Variants in TRPM6 observed in about 807,000 individuals in gnomAD.
TRPM6 encodes the protein transient receptor potential cation channel subfamily M member 6.
In TRPM6, 111 loss-of-function variants were observed where a neutral mutation model predicts 247.6. The ratio of observed to expected loss-of-function variants is 0.45; its 90% confidence interval spans 0.38 to 0.52. TRPM6 has a LOEUF of 0.52. TRPM6 is among the 20% of genes least tolerant of loss of function. The pLI is 0.00. For synonymous variants in TRPM6, 892 were observed against 853.8 expected (o/e 1.04, Z -0.78); for missense variants, 2,126 against 2,421.5 (o/e 0.88, Z 2.56).
chr9:74,881,289 T>C (rs1466052512), intron 1 of TRPM6, among the ~76,000 whole-genome samples: 3 of 151,946 alleles, frequency 2.0e-5, no homozygotes, highest in African/African-American at 7.3e-5. Context: ...ACTATACTTA[T>C]ATCAGATGAA....
chr9:74,767,811 A>C (rs1826877990), intron 25 of TRPM6, among the ~76,000 whole-genome samples: 2 of 152,136 alleles, frequency 1.3e-5, no homozygotes, highest in African/African-American at 4.8e-5. Flanking sequence ...CTCTATAAAA[A>C]TGAAAAAATT....
chr9:74,827,046 C>T (rs1829361475), intron 7 of TRPM6: 1 of 152,230 alleles, frequency 6.6e-6, no homozygotes, highest in South Asian at 2.1e-4. Context: ...CCCCAAGGTC[C>T]CTATTTCTAA....
In TRPM6 at chr9:74,801,895, T is replaced by C. The variant is rs766322291; in HGVS notation, c.2009+3A>G. ...TAGTATGAAGTGAAGAGAGAACACTTACTTTGAGTAATTCTTCAACTCTTC... is the reference window on the plus strand; with the variant it reads ...TAGTATGAAGTGAAGAGAGAACACTCACTTTGAGTAATTCTTCAACTCTTC... On this transcript the variant is annotated splice_donor_region_variant and intron_variant, in intron 16 of 38. Coordinates refer to ENST00000360774, the MANE Select transcript of TRPM6 (RefSeq NM_017662.5). The C allele has an allele frequency of 6.8e-6, 11 of 1,614,014 alleles. No homozygotes were observed. The highest frequency in any genetic ancestry group is 8.5e-6 in the Non-Finnish European group (10 of 1,180,022).
intron 1 of TRPM6, among the ~76,000 whole-genome samples, chr9:74,870,531 A>T (rs1830988621): frequency 6.6e-6 from 1 of 152,202 alleles, no homozygotes; most frequent in Non-Finnish European, 1.5e-5. Flanking sequence ...CAAACTAGAG[A>T]AATCTTGTTC....
chr9:74,877,112 G>T (rs1047509209), intron 1 of TRPM6, among the ~76,000 whole-genome samples: 1 of 152,160 alleles, frequency 6.6e-6, no homozygotes, highest in Non-Finnish European at 1.5e-5. Context: ...ATCATGGATT[G>T]CTGGTGATTA....
chr9:74,887,086 A>G (rs1217408071), intron 1 of TRPM6: 1 of 452,348 alleles, frequency 2.2e-6, no homozygotes, highest in Non-Finnish European at 3.7e-6. Context: ...AACAGCCAGG[A>G]GCACCCTCCC....
At chr9:74,820,949 G>A (rs1273217187) in intron 8 of TRPM6, among the ~76,000 whole-genome samples, 1 of 152,156 alleles carries the variant, frequency 6.6e-6, no homozygotes, top group African/African-American at 2.4e-5. Context: ...AGGGAGAGGA[G>A]TGAAAGCAGA....
chr9:74,728,107 G>C, intron 38 of TRPM6, 132 bp downstream of exon 38: 1 of 789,380 alleles, frequency 1.3e-6, no homozygotes, highest in Non-Finnish European at 2.2e-6. Context: ...TTTGCAGTCA[G>C]AGAGTCAGGC....
At chr9:74,800,852 T>C (rs1828301454) in intron 16 of TRPM6, among the ~76,000 whole-genome samples, 1 of 151,616 alleles carries the variant, frequency 6.6e-6, no homozygotes, top group Admixed American at 6.6e-5. Context: ...ATACATAGGC[T>C]TATACATAGC....
intron 28 of TRPM6, among the ~76,000 whole-genome samples, 171 bp downstream of exon 28, chr9:74,755,182 T>G (rs1192081764): frequency 6.6e-6 from 1 of 152,190 alleles, no homozygotes; most frequent in African/African-American, 2.4e-5. Context: ...TTTTGTCCCT[T>G]TCATAAAAAT....
intron 14 of TRPM6, chr9:74,804,590 T>A: frequency 1.3e-6 from 1 of 748,144 alleles, no homozygotes. Context: ...CTGCTTCAGC[T>A]CCTGAGTTCA....
intron 5 of TRPM6, among the ~76,000 whole-genome samples, chr9:74,837,148 A>G (rs1208757460): frequency 6.6e-6 from 1 of 152,204 alleles, no homozygotes; most frequent in Non-Finnish European, 1.5e-5. Context: ...GTGGCATTCA[A>G]TTTAAGTAAA....
intron 3 of TRPM6, among the ~76,000 whole-genome samples, chr9:74,853,289 G>A (rs913500416): frequency 2.6e-5 from 4 of 151,020 alleles, no homozygotes; most frequent in Non-Finnish European, 4.4e-5. Flanking sequence ...GAGCGTCTCC[G>A]CCCGGCAGCC....
At chr9:74,743,128 T>C (rs1041225625) in intron 32 of TRPM6, among the ~76,000 whole-genome samples, 2 of 152,178 alleles carry the variant, frequency 1.3e-5, no homozygotes, top group Admixed American at 1.3e-4. Context: ...TCAGAGTCAA[T>C]ATGAGTTACA....
At chr9:74,846,446 T>A (rs969509091) in intron 3 of TRPM6, among the ~76,000 whole-genome samples, 2 of 152,236 alleles carry the variant, frequency 1.3e-5, no homozygotes, top group African/African-American at 4.8e-5. Context: ...TATTGTTTTC[T>A]GGTATGAACT....
intron 20 of TRPM6, 75 bp from the exon 21 acceptor site, chr9:74,786,200 C>T: frequency 1.3e-6 from 2 of 1,530,406 alleles, no homozygotes; most frequent in Non-Finnish European, 1.8e-6. Context: ...TTCTTAAATA[C>T]ACAAACCATT....
At position 74,791,194 on chromosome 9, in the gene TRPM6, T is replaced by C. The variant is rs536905229; in HGVS notation, c.2538+1430A>G. Among the ~76,000 whole-genome samples, 17 of 152,344 alleles carry C rather than the reference T, an allele frequency of 1.1e-4. No homozygotes were observed. The East Asian group carries it at 3.1e-3, about 28-fold the overall frequency. On this transcript the variant is annotated intron_variant, in intron 19 of 38. Transcript: ENST00000360774. ...CTGTCAGAGTCTTTCGTATATGTTGTTGCGCATTACAAAAATAGCAAAACC... is the reference window on the plus strand; with the variant it reads ...CTGTCAGAGTCTTTCGTATATGTTGCTGCGCATTACAAAAATAGCAAAACC...
chr9:74,727,292 G>A (rs1355825124), intron 38 of TRPM6, among the ~76,000 whole-genome samples: 2 of 147,550 alleles, frequency 1.4e-5, no homozygotes. Context: ...TGAGGCAGGA[G>A]AATCGCTTGA....
chr9:74,848,227 C>G (rs569853930), intron 3 of TRPM6, among the ~76,000 whole-genome samples: 29 of 152,320 alleles, frequency 1.9e-4, no homozygotes, highest in Non-Finnish European at 3.7e-4. Flanking sequence ...AAAGAAAGCA[C>G]TTTATGGCTC....
Sources: gnomAD v4.1 joint callset for allele counts (sites outside exome capture counted in the v4.1 genomes callset) on GRCh38, gnomAD v4.1.1 for gene constraint, MANE v1.5 for transcripts, NCBI Gene and HGNC (gene_info 2026-07-23, HGNC 2026-07-21) for gene names.